CYRIB: variants seen among roughly 807,000 people sequenced by gnomAD.
CYRIB encodes the protein CYFIP related Rac1 interactor B.
A neutral mutation model predicts 44.2 loss-of-function variants in CYRIB; 8 were observed. The ratio of observed to expected loss-of-function variants is 0.18; its 90% confidence interval spans 0.11 to 0.33. The LOEUF is 0.33. CYRIB is among the 10% of genes least tolerant of loss of function. The probability of loss-of-function intolerance (pLI) is 1.00; values close to 1 mark genes in which losing one functional copy is unlikely to be tolerated. For missense variants in CYRIB, 185 were observed against 382.8 expected, an observed-to-expected ratio of 0.48 and a Z score of 4.31; for synonymous variants, 131 against 127.2, an observed-to-expected ratio of 1.03 and a Z score of -0.20.
intron 1 of CYRIB, among the ~76,000 whole-genome samples, chr8:130,012,075 AT>A (rs2097235741): frequency 6.6e-6 from 1 of 152,122 alleles, no homozygotes; most frequent in Non-Finnish European, 1.5e-5. Flanking sequence ...ATTATCTTAA[AT>A]ATTTATAAAA....
At chr8:129,884,822 G>A (rs989700678) in intron 2 of CYRIB, among the ~76,000 whole-genome samples, 1 of 152,022 alleles carries the variant, frequency 6.6e-6, no homozygotes, top group African/African-American at 2.4e-5. Flanking sequence ...AACCAGACAT[G>A]GTTTACCTCA....
chr8:129,889,674 C>T (rs1300189181), intron 2 of CYRIB, among the ~76,000 whole-genome samples: 2 of 152,064 alleles, frequency 1.3e-5, no homozygotes, highest in Non-Finnish European at 2.9e-5. Flanking sequence ...ACCAAGAGAA[C>T]TAGAGTAGAA....
At chr8:129,940,418 G>GA (rs1253818106), upstream of CYRIB, among the ~76,000 whole-genome samples, 1 of 152,156 alleles carries the variant, frequency 6.6e-6, no homozygotes, top group African/African-American at 2.4e-5. Flanking sequence ...CTTGGGTGGT[G>GA]AAAAATGATC....
intron 5 of CYRIB, among the ~76,000 whole-genome samples, chr8:129,857,186 C>A (rs1319788646): frequency 6.6e-6 from 1 of 152,174 alleles, no homozygotes; most frequent in Admixed American, 6.5e-5. Context: ...GACAGACATG[C>A]TCCCTGTGCC....
chr8:130,006,594 T>TTATATATATATATATATATA, intron 1 of CYRIB, among the ~76,000 whole-genome samples: 5 of 15,322 alleles, frequency 3.3e-4, no homozygotes, highest in Non-Finnish European at 4.2e-4. Flanking sequence ...AAAACACAAA[T>TTATATATATATATATATATA]TATATATATA....
In CYRIB at chr8:129,902,356, C is replaced by G. The variant is rs2072657540; in HGVS notation, c.-11+956G>C. On this transcript the variant is annotated intron_variant, in intron 2 of 11. Transcript: ENST00000519824. ...GCCTCAGCCACCCAAGTAGCTGGGA[C>G]TACAGGCACACGCCACCACACCTGC... 1.3e-5 allele frequency among the ~76,000 whole-genome samples: 2 copies of G among 152,066 alleles called. 1 individual carries two copies. Among genetic ancestry groups the G allele is most frequent in the South Asian group, 4.1e-4 (2 of 4,830 alleles).
chr8:129,977,743 A>G (rs957270696), intron 1 of CYRIB, among the ~76,000 whole-genome samples: 11 of 152,110 alleles, frequency 7.2e-5, no homozygotes, highest in East Asian at 3.9e-4. Context: ...CGTGTTAGCC[A>G]GGATGGTCTC....
chr8:129,999,822 C>T (rs1352978029), intron 1 of CYRIB, among the ~76,000 whole-genome samples: 1 of 152,072 alleles, frequency 6.6e-6, no homozygotes, highest in Non-Finnish European at 1.5e-5. Flanking sequence ...GAGATGGGGG[C>T]TTACTGATGT....
At chr8:129,912,961 A>T (rs535846169) in intron 1 of CYRIB, among the ~76,000 whole-genome samples, 1 of 147,044 alleles carries the variant, frequency 6.8e-6, no homozygotes, top group Non-Finnish European at 1.5e-5. Flanking sequence ...ACTTTCAGGA[A>T]TCTGCTTCAC....
intron 11 of CYRIB, chr8:129,844,409 T>C (rs1586804283): frequency 6.6e-6 from 1 of 152,206 alleles, no homozygotes; most frequent in African/African-American, 2.4e-5. Context: ...TGAAGATATA[T>C]GGCATTATTT....
At chr8:129,850,710 T>G in intron 9 of CYRIB, 125 bp downstream of exon 11, 1 of 722,554 alleles carries the variant, frequency 1.4e-6, no homozygotes, top group Non-Finnish European at 2.4e-6. Context: ...ACATTCAATA[T>G]TTGGAATATA....
chr8:129,949,805 G>C (rs1416732052), intron 2 of CYRIB, among the ~76,000 whole-genome samples: 1 of 152,074 alleles, frequency 6.6e-6, no homozygotes, highest in Non-Finnish European at 1.5e-5. Flanking sequence ...TTGAACCCAG[G>C]GGGCAGAGGT....
intron 2 of CYRIB, among the ~76,000 whole-genome samples, chr8:129,951,378 A>G (rs976015331): frequency 1.3e-5 from 2 of 151,870 alleles, no homozygotes; most frequent in Non-Finnish European, 2.9e-5. Flanking sequence ...AAATCCATCA[A>G]CCTCAAGGAC....
At chr8:129,893,658 C>T (rs1196994725) in intron 2 of CYRIB, among the ~76,000 whole-genome samples, 2 of 152,146 alleles carry the variant, frequency 1.3e-5, no homozygotes, top group African/African-American at 4.8e-5. Flanking sequence ...TTTCAATCAA[C>T]TTTCCTCCCC....
chr8:129,990,373 A>C lies in CYRIB; in HGVS notation c.-295-19378T>G, dbSNP rs1051122382. 3.3e-5 allele frequency among the ~76,000 whole-genome samples: 5 copies of C among 152,166 alleles called. 1 individual carries two copies. Among genetic ancestry groups the C allele is most frequent in the African/African-American group, 1.2e-4 (5 of 41,436 alleles). ...ATAAAGTATGTTTCATCTATAATAC[A>C]TAATAGGTGTTCAGTAAATGACTGG... is the stretch of plus-strand genomic sequence containing the variant. On this transcript the variant is annotated intron_variant, in intron 1 of 14. Coordinates refer to the CYRIB transcript ENST00000401979.
chr8:129,866,698 A>G (rs1359051255), intron 4 of CYRIB, among the ~76,000 whole-genome samples: 3 of 152,210 alleles, frequency 2.0e-5, no homozygotes, highest in African/African-American at 7.2e-5. Context: ...CTAAATATCA[A>G]TTCATTCTCA....
chr8:129,940,921 G>T (rs1484065845), upstream of CYRIB, among the ~76,000 whole-genome samples: 1 of 152,132 alleles, frequency 6.6e-6, no homozygotes, highest in East Asian at 1.9e-4. Flanking sequence ...ATGAAATCCT[G>T]ATTATGAACG....
chr8:129,842,210 AAAAAG>A lies in CYRIB; in HGVS notation c.912-10_912-6del. ...TTCAAATGTTTTGTTGTGTACCTAAAAAAAGAAAAGAAAAAAGATCAATTTTAGGA... is the reference window on the plus strand; with the variant it reads ...TTCAAATGTTTTGTTGTGTACCTAAAAAAAGAAAAAAGATCAATTTTAGGA... On this transcript the variant is annotated splice_region_variant and splice_polypyrimidine_tract_variant and intron_variant, in intron 11 of 11. Transcript: ENST00000519824. The A allele has an allele frequency of 3.1e-6, 5 of 1,602,938 alleles. No individual in the cohort carries two copies. The South Asian group carries it at 3.3e-5, about 11-fold the overall frequency.
At chr8:129,897,911 AT>A (rs1472260537) in intron 2 of CYRIB, among the ~76,000 whole-genome samples, 1 of 151,748 alleles carries the variant, frequency 6.6e-6, no homozygotes, top group Non-Finnish European at 1.5e-5. Context: ...AATTACAGGC[AT>A]TTGCCAATAC....
Sources: gnomAD v4.1 joint callset for allele counts (sites outside exome capture counted in the v4.1 genomes callset) on GRCh38, gnomAD v4.1.1 for gene constraint, MANE v1.5 for transcripts, NCBI Gene and HGNC (gene_info 2026-07-23, HGNC 2026-07-21) for gene names.